Variants in POGZ observed in about 807,000 individuals in gnomAD.
POGZ encodes pogo transposable element with ZNF domain.
A neutral mutation model predicts 134.6 loss-of-function variants in POGZ; 17 were observed. The observed-to-expected ratio is 0.13, with a 90% confidence interval of 0.09 to 0.19. The LOEUF is 0.19. POGZ is among the 10% of genes least tolerant of loss of function. The pLI is 1.00. For synonymous variants in POGZ, 693 were observed against 657.1 expected, an observed-to-expected ratio of 1.05 and a Z score of -0.84; for missense variants, 1,306 against 1,769.7, an observed-to-expected ratio of 0.74 and a Z score of 4.70.
intron 10 of POGZ, among the ~76,000 whole-genome samples, chr1:151,417,297 C>T (rs945980244): frequency 3.3e-5 from 5 of 149,568 alleles, no homozygotes; most frequent in South Asian, 2.1e-4. Flanking sequence ...ATCCTGACCT[C>T]GTGATCCACC....
intron 1 of POGZ, among the ~76,000 whole-genome samples, chr1:151,446,821 A>G (rs1661345947): frequency 6.6e-6 from 1 of 151,890 alleles, no homozygotes; most frequent in Non-Finnish European, 1.5e-5. Flanking sequence ...TCATACTGCA[A>G]CAAGTGAACA....
rs1199798469 is a variant in POGZ at position 151,459,364 on chromosome 1, C to CGAGGGGGGCGGGGGGGCCCCGAGG, written c.-238_-215dup. On this transcript the variant is annotated 5_prime_UTR_variant, in exon 1 of 19. Transcript: ENST00000271715. ...AGTGATTCGGGGTGGATTTTTTTCC[C>CGAGGGGGGCGGGGGGGCCCCGAGG]GAGGGGGGCGGGGGGGCCCCGAGGG... The CGAGGGGGGCGGGGGGGCCCCGAGG allele has an allele frequency of 1.2e-5, 1 of 82,478 alleles. No homozygotes were observed. The highest frequency in any genetic ancestry group is 2.3e-5 in the Non-Finnish European group (1 of 44,148). The allele number at this position is 82,478 out of a possible 1,614,324, so 5.1% of individuals were successfully genotyped here.
intron 3 of POGZ, among the ~76,000 whole-genome samples, chr1:151,435,593 A>G (rs1233610085): frequency 1.3e-5 from 2 of 151,942 alleles, no homozygotes. Context: ...CTCAGGTTCA[A>G]GCGATTCTCC....
At chr1:151,422,453 C>T (rs1289107770) in intron 10 of POGZ, among the ~76,000 whole-genome samples, 1 of 152,188 alleles carries the variant, frequency 6.6e-6, no homozygotes, top group African/African-American at 2.4e-5. Flanking sequence ...GAGGTGTACG[C>T]TCATAAGCAA....
chr1:151,403,560 A>T lies in POGZ; in HGVS notation c.*1242T>A, dbSNP rs551974555. The T allele has an allele frequency of 2.9e-5, 29 of 985,036 alleles. No individual in the cohort carries two copies. Among genetic ancestry groups the T allele is most frequent in the Non-Finnish European group, 3.4e-5 (28 of 829,340 alleles). 61.0% of individuals were successfully genotyped at this position (985,036 alleles called of 1,614,324 possible). A position where few individuals can be genotyped will look rare whatever the true frequency, so the allele number is the denominator to read the frequency against. The stretch of plus-strand genomic sequence containing the variant: ...TTTACAACCATGAGTACATACAATT[A>T]AAAAAATCCCTCATGCAAATTGTAG... On this transcript the variant is annotated 3_prime_UTR_variant, in exon 19 of 19. Coordinates refer to ENST00000271715, the MANE Select transcript of POGZ (RefSeq NM_015100.4).
chr1:151,424,828 G>A lies in POGZ; in HGVS notation c.1185+127C>T, dbSNP rs976712809. The A allele has an allele frequency of 6.4e-5, 39 of 611,414 alleles. No homozygotes were observed. The East Asian group carries it at 1.1e-3, about 17-fold the overall frequency. The allele number at this position is 611,414 out of a possible 1,614,324, so 37.9% of individuals were successfully genotyped here. Reference sequence around the variant, plus strand: ...AAAGTACACAGCTCTTCTAAAAACAGACCAAGAGAAACAGTAACCCTTTAA... The same window carrying A: ...AAAGTACACAGCTCTTCTAAAAACAAACCAAGAGAAACAGTAACCCTTTAA... On this transcript the variant is annotated intron_variant, in intron 8 of 18. Coordinates refer to ENST00000271715, the MANE Select transcript of POGZ (RefSeq NM_015100.4).
chr1:151,403,087 A>C lies in POGZ; in HGVS notation c.*1715T>G. ...ATGGCATCAGGCAAAAAGCTGGGGA[A>C]GAGAAGCCCAGATGGATCCTTGGTT... On this transcript the variant is annotated 3_prime_UTR_variant, in exon 19 of 19. Coordinates refer to ENST00000271715, the MANE Select transcript of POGZ (RefSeq NM_015100.4). The C allele has an allele frequency of 2.9e-6, 1 of 343,126 alleles. No individual in the cohort carries two copies. Among genetic ancestry groups the C allele is most frequent in the Non-Finnish European group, 4.1e-6 (1 of 242,382 alleles). The allele number at this position is 343,126 out of a possible 1,614,324, so 21.3% of individuals were successfully genotyped here.
In POGZ at chr1:151,404,045, T is replaced by C. The variant is rs1026167881; in HGVS notation, c.*757A>G. 8 of 985,292 alleles carry C rather than the reference T, an allele frequency of 8.1e-6. No individual in the cohort carries two copies. Among genetic ancestry groups the C allele is most frequent in the Non-Finnish European group, 9.6e-6 (8 of 829,874 alleles). 61.0% of individuals were successfully genotyped at this position (985,292 alleles called of 1,614,324 possible). On this transcript the variant is annotated 3_prime_UTR_variant, in exon 19 of 19. Transcript: ENST00000271715. Reference sequence around the variant, plus strand: ...AGTGCAAAAAATATTGTTTATGTCATGTTTTGGAGGGAAGGTGGTGAGGAA... The same window carrying C: ...AGTGCAAAAAATATTGTTTATGTCACGTTTTGGAGGGAAGGTGGTGAGGAA...
chr1:151,424,649 A>G (rs1329645050), intron 8 of POGZ, among the ~76,000 whole-genome samples: 1 of 152,212 alleles, frequency 6.6e-6, no homozygotes, highest in Non-Finnish European at 1.5e-5. Flanking sequence ...CAATGACACA[A>G]TTAACAAAAA....
chr1:151,458,410 G>A lies in POGZ; in HGVS notation c.-2+742C>T, dbSNP rs200954616. On this transcript the variant is annotated intron_variant, in intron 1 of 18. Transcript: ENST00000271715. Reference sequence around the variant, plus strand: ...AAAAGAAATTTGGGGACCGAGGGAGGAGACTTCGTAAACTAGCTGCAGTGC... The same window carrying A: ...AAAAGAAATTTGGGGACCGAGGGAGAAGACTTCGTAAACTAGCTGCAGTGC... Among the ~76,000 whole-genome samples, 10 of 152,168 alleles carry A rather than the reference G, an allele frequency of 6.6e-5. No individual in the cohort carries two copies. In the East Asian group the frequency reaches 7.8e-4, roughly 12 times the overall value.
chr1:151,405,449 C>T lies in POGZ; in HGVS notation c.3586G>A (p.Glu1196Lys). 1 of 1,614,242 alleles carries T rather than the reference C, an allele frequency of 6.2e-7. No individual in the cohort carries two copies. The highest frequency in any genetic ancestry group is 8.5e-7 in the Non-Finnish European group (1 of 1,180,046). Residue 1196 changes from glutamate to lysine, a missense_variant, in exon 19 of 19, where the codon GAG (glutamate) becomes AAG (lysine). Physicochemically the swap from Glu to Lys is moderately conservative, Grantham distance 56 (BLOSUM62 1). Around this residue, in one of 10 missense-constraint regions of POGZ, gnomAD observed 161 missense variants for 185.4 expected, o/e 0.87. Transcript: ENST00000271715. This position sits in a 1 kb window ranked among gnomAD's most constrained non-coding sequence, Gnocchi z 4.9. ...ATCTCGTCATCACTGTAGCCACTCT[C>T]CTTTGCCTCTAGCAATATGGAGTCT... ...MPDSILLEAK[E>K]SGYSDDEIME... is the part of the protein sequence containing the mutation.
At chr1:151,420,895 C>T (rs1001882421) in intron 10 of POGZ, among the ~76,000 whole-genome samples, 4 of 151,424 alleles carry the variant, frequency 2.6e-5, no homozygotes, top group Admixed American at 1.3e-4. Context: ...TTACAGTAGA[C>T]GCCCTTTGCC....
chr1:151,456,165 A>C (rs1662749580), intron 1 of POGZ, among the ~76,000 whole-genome samples: 1 of 152,116 alleles, frequency 6.6e-6, no homozygotes, highest in African/African-American at 2.4e-5. Flanking sequence ...CCTTTGCTTG[A>C]TTTTGCAACA....
intron 10 of POGZ, among the ~76,000 whole-genome samples, chr1:151,419,024 CAAAAAAAAAA>C (rs71090164): frequency 5.8e-5 from 3 of 52,162 alleles, no homozygotes; most frequent in Non-Finnish European, 7.9e-5. Flanking sequence ...AGCTCTGTCT[CAAAAAAAAAA>C]AAAAAAAAAA....
chr1:151,403,222 A>G lies in POGZ; in HGVS notation c.*1580T>C. The G allele has an allele frequency of 1.0e-6, 1 of 985,806 alleles. No homozygotes were observed. Among genetic ancestry groups the G allele is most frequent in the South Asian group, 4.7e-5 (1 of 21,272 alleles). The allele number at this position is 985,806 out of a possible 1,614,324, so 61.1% of individuals were successfully genotyped here. A position where few individuals can be genotyped will look rare whatever the true frequency, so the allele number is the denominator to read the frequency against. On this transcript the variant is annotated 3_prime_UTR_variant, in exon 19 of 19. Transcript: ENST00000271715. Reference sequence around the variant, plus strand: ...GGGATGAAAAAACAAACAAACAAAAAAGCAGGGTGGGGTGGGAGAAATGGG... The same window carrying G: ...GGGATGAAAAAACAAACAAACAAAAGAGCAGGGTGGGGTGGGAGAAATGGG...
In POGZ at chr1:151,406,589, G is replaced by A. The variant is rs780309448; in HGVS notation, c.2570+18C>T. The A allele has an allele frequency of 1.1e-5, 17 of 1,608,146 alleles. No individual in the cohort carries two copies. The South Asian group carries it at 1.9e-4, about 18-fold the overall frequency. On this transcript the variant is annotated intron_variant, in intron 18 of 18. Transcript: ENST00000271715. Reference sequence around the variant, plus strand: ...CACTGCAAACCAGAAATTAAATTGTGAGGTGAGTTTTTGTTACCTTGAGTG... The same window carrying A: ...CACTGCAAACCAGAAATTAAATTGTAAGGTGAGTTTTTGTTACCTTGAGTG...
intron 3 of POGZ, among the ~76,000 whole-genome samples, chr1:151,432,395 T>A (rs1023959801): frequency 2.6e-5 from 4 of 152,108 alleles, no homozygotes; most frequent in African/African-American, 9.7e-5. Context: ...TTATACTCTC[T>A]CAGAAACTGA....
In POGZ at chr1:151,427,970, C is replaced by T; in HGVS notation, c.931G>A (p.Gly311Ser). ...FVTVKRPGVT[G>S]ENSNEVAKLV... Reference sequence around the variant, plus strand: ...TTGGCCACTTCATTGCTATTTTCGCCTGTAACACCAGGTCGCTTCACAGTG... The same window carrying T: ...TTGGCCACTTCATTGCTATTTTCGCTTGTAACACCAGGTCGCTTCACAGTG... Residue 311 changes from glycine to serine, a missense_variant, in exon 7 of 19, where the codon GGC (glycine) becomes AGC (serine). Physicochemically the swap from Gly to Ser is moderately conservative, Grantham distance 56. This residue lies in a region of POGZ where 541 missense variants were observed against 680.5 expected (regional missense o/e 0.80). Coordinates refer to ENST00000271715, the MANE Select transcript of POGZ (RefSeq NM_015100.4). 6.2e-7 allele frequency: 1 copy of T among 1,614,202 alleles called. No individual in the cohort carries two copies. The highest frequency in any genetic ancestry group is 8.5e-7 in the Non-Finnish European group (1 of 1,180,040).
At position 151,406,357 on chromosome 1, in the gene POGZ, G is replaced by A. The variant is rs756213374; in HGVS notation, c.2678C>T (p.Thr893Ile). 3 of 1,598,934 alleles carry A rather than the reference G, an allele frequency of 1.9e-6. No homozygotes were observed. The East Asian group carries it at 6.7e-5, about 36-fold the overall frequency. The change falls in exon 19 of 19, where the codon ACC becomes ATC. Residue 893 changes from threonine to isoleucine, a missense_variant. Thr to Ile is a moderately conservative substitution (Grantham distance 89). Transcript: ENST00000271715. Reference sequence around the variant, plus strand: ...TAGTAGCTCTTCAGGCTCAGCTGGGGTGGCCCCCGCAGATTTCACAGTGGC... The same window carrying A: ...TAGTAGCTCTTCAGGCTCAGCTGGGATGGCCCCCGCAGATTTCACAGTGGC... ...KAATVKSAGA[T>I]PAEPEELLTP...
Sources: allele counts gnomAD v4.1 joint callset (sites outside exome capture counted in the v4.1 genomes callset), GRCh38; gene constraint gnomAD v4.1.1; regional missense constraint gnomAD v4.1.1; non-coding constraint Gnocchi (gnomAD v3.1); transcripts MANE v1.5; gene names NCBI Gene and HGNC (gene_info 2026-07-23, HGNC 2026-07-21).